Variants in GIGYF2 observed in about 807,000 individuals in gnomAD.
GIGYF2 encodes the protein GRB10-interacting GYF protein 2.
In GIGYF2, 25 loss-of-function variants were observed where a neutral mutation model predicts 208.1. The ratio of observed to expected loss-of-function variants is 0.12; its 90% CI spans 0.09 to 0.17. The LOEUF is 0.17. Ranked by LOEUF, GIGYF2 falls within the 10% of genes least tolerant of loss-of-function variation. The pLI is 1.00. For synonymous variants in GIGYF2, 534 were observed against 543.8 expected, an observed-to-expected ratio of 0.98 and a Z score of 0.25; for missense variants, 1,302 against 1,579.4, an observed-to-expected ratio of 0.82 and a Z score of 2.98.
intron 18 of GIGYF2, among the ~76,000 whole-genome samples, chr2:232,814,197 A>G (rs745354033): frequency 1.3e-5 from 2 of 151,988 alleles, no homozygotes; most frequent in African/African-American, 2.4e-5. Flanking sequence ...ATGATTGGAC[A>G]ATTTTACACG....
At chr2:232,798,970 A>ATTC (rs1700307619) in intron 14 of GIGYF2, among the ~76,000 whole-genome samples, 1 of 149,570 alleles carries the variant, frequency 6.7e-6, no homozygotes, top group South Asian at 2.1e-4. Context: ...ATTGCCAGGG[A>ATTC]CTGGAGGAAA....
At chr2:232,827,570 G>C (rs1218041547) in intron 21 of GIGYF2, among the ~76,000 whole-genome samples, 2 of 152,184 alleles carry the variant, frequency 1.3e-5, no homozygotes, top group Non-Finnish European at 2.9e-5. Flanking sequence ...TGCTTGGTTG[G>C]TAGCAATAGT....
At chr2:232,760,224 C>A in intron 6 of GIGYF2, 1 of 335,308 alleles carries the variant, frequency 3.0e-6, no homozygotes, top group Non-Finnish European at 5.5e-6. Context: ...AAAGTTGATA[C>A]TTTCTTGTTC....
At chr2:232,795,234 T>C (rs1184505824) in intron 13 of GIGYF2, among the ~76,000 whole-genome samples, 1 of 152,222 alleles carries the variant, frequency 6.6e-6, no homozygotes, top group Non-Finnish European at 1.5e-5. Flanking sequence ...AAATGGTGAA[T>C]ACAAGCAGCT....
chr2:232,850,421 C>A lies in GIGYF2; in HGVS notation c.3832+12C>A. ...TCCCAGTTTATTAGGTGAGCACGGTCCTAGTCTCAGCTGAGTGTTGGAGGA... is the reference window on the plus strand; with the variant it reads ...TCCCAGTTTATTAGGTGAGCACGGTACTAGTCTCAGCTGAGTGTTGGAGGA... On this transcript the variant is annotated intron_variant, in intron 28 of 28. Transcript: ENST00000373563. 6.2e-7 allele frequency: 1 copy of A among 1,612,244 alleles called. No individual in the cohort carries two copies. The highest frequency in any genetic ancestry group is 1.1e-5 in the South Asian group (1 of 91,030).
intron 23 of GIGYF2, among the ~76,000 whole-genome samples, chr2:232,842,119 C>A (rs962332171): frequency 6.6e-6 from 1 of 152,078 alleles, no homozygotes; most frequent in African/African-American, 2.4e-5. Flanking sequence ...GGATTATAGG[C>A]ATGGGCCACC....
intron 14 of GIGYF2, among the ~76,000 whole-genome samples, chr2:232,798,770 GGATT>G: frequency 6.7e-6 from 1 of 149,644 alleles, no homozygotes; most frequent in Middle Eastern, 3.5e-3. Context: ...TGTCCTAATT[GGATT>G]GTTTGCTTAT....
intron 2 of GIGYF2, among the ~76,000 whole-genome samples, chr2:232,721,880 T>C (rs1456827664): frequency 6.6e-6 from 1 of 152,206 alleles, no homozygotes; most frequent in Admixed American, 6.5e-5. Context: ...TGGTTTCTTG[T>C]CTTTTACTTT....
rs923043512 is a variant in GIGYF2, at chr2:232,780,181, A to G, written c.533-6969A>G. The stretch of plus-strand genomic sequence containing the variant: ...AAACACTATTTTTGGCCGTGGGTCA[A>G]ACATGCACACAGGTGCCCTTTTACT... On this transcript the variant is annotated intron_variant, in intron 8 of 28. Coordinates refer to ENST00000373563, the MANE Select transcript of GIGYF2 (RefSeq NM_001103146.3). 1.8e-4 allele frequency among the ~76,000 whole-genome samples: 28 copies of G among 152,198 alleles called. 1 individual carries two copies. The highest frequency in any genetic ancestry group is 6.3e-4 in the African/African-American group (26 of 41,450).
At chr2:232,750,481 G>A (rs55647757) in intron 5 of GIGYF2, among the ~76,000 whole-genome samples, 3,445 of 151,796 alleles carry the variant, frequency 0.023, 60 homozygotes, top group Non-Finnish European at 0.037. Context: ...TATATTTTCC[G>A]CCTTTTAATA....
At chr2:232,832,639 TTTAA>T (rs1701457537) in intron 21 of GIGYF2, among the ~76,000 whole-genome samples, 1 of 152,210 alleles carries the variant, frequency 6.6e-6, no homozygotes, top group Non-Finnish European at 1.5e-5. Flanking sequence ...ATGACAGTCC[TTTAA>T]TTAAAATTTC....
chr2:232,775,661 G>T (rs1699481882), intron 8 of GIGYF2, among the ~76,000 whole-genome samples: 1 of 152,122 alleles, frequency 6.6e-6, no homozygotes, highest in Non-Finnish European at 1.5e-5. Flanking sequence ...ATGATAGGCA[G>T]CTTCACTGAT....
rs760027526 is a variant in GIGYF2, at chr2:232,771,071, T to C, written c.532+9635T>C. ...AAACTGGTGATATACTTGACACAGA[T>C]AGTGTGGTTTTCAGGTGGGGCATCA... On this transcript the variant is annotated intron_variant, in intron 8 of 28. Coordinates refer to ENST00000373563, the MANE Select transcript of GIGYF2 (RefSeq NM_001103146.3). The C allele has an allele frequency of 1.2e-5, 20 of 1,613,976 alleles. No individual in the cohort carries two copies. The South Asian group carries it at 2.2e-4, about 18-fold the overall frequency.
At chr2:232,795,500 G>A (rs990978730) in intron 13 of GIGYF2, among the ~76,000 whole-genome samples, 2 of 152,096 alleles carry the variant, frequency 1.3e-5, no homozygotes, top group African/African-American at 4.8e-5. Flanking sequence ...CTTGTAAAAC[G>A]TTTCATTTAT....
At chr2:232,709,121 C>CA (rs1234912702) in intron 2 of GIGYF2, among the ~76,000 whole-genome samples, 1 of 151,052 alleles carries the variant, frequency 6.6e-6, no homozygotes, top group Non-Finnish European at 1.5e-5. Context: ...GACTCCATTC[C>CA]AAAAAAAGAA....
chr2:232,761,038 T>C (rs921248607), intron 7 of GIGYF2, among the ~76,000 whole-genome samples: 4 of 152,122 alleles, frequency 2.6e-5, no homozygotes, highest in African/African-American at 9.7e-5. Flanking sequence ...TGGCCTTATA[T>C]AATTGTATAT....
intron 3 of GIGYF2, among the ~76,000 whole-genome samples, chr2:232,746,698 T>G (rs7601946): frequency 0.05 from 7,596 of 152,310 alleles, 245 homozygotes; most frequent in Non-Finnish European, 0.075. Context: ...TTTATTTGTC[T>G]TCTTAGCAGT....
intron 21 of GIGYF2, among the ~76,000 whole-genome samples, chr2:232,824,179 TG>T (rs151185793): frequency 0.031 from 4,726 of 152,240 alleles, 258 homozygotes; most frequent in African/African-American, 0.11. Context: ...TTAGGCCAAT[TG>T]GATAACCTAC....
intron 21 of GIGYF2, among the ~76,000 whole-genome samples, chr2:232,823,965 C>A (rs957298308): frequency 4.6e-5 from 7 of 152,060 alleles, no homozygotes. Context: ...ATTTTTTTTA[C>A]TGTTATATCT....
Sources: allele counts gnomAD v4.1 joint callset (sites outside exome capture counted in the v4.1 genomes callset), GRCh38; gene constraint gnomAD v4.1.1; transcripts MANE v1.5; gene names NCBI Gene and HGNC (gene_info 2026-07-23, HGNC 2026-07-21).